GPR89B: variants seen among roughly 807,000 people sequenced by gnomAD.
GPR89B encodes the protein G protein-coupled receptor 89B.
In GPR89B, 25 loss-of-function variants were observed where a neutral mutation model predicts 52.4. The ratio of observed to expected loss-of-function variants is 0.48; its 90% confidence interval spans 0.35 to 0.67. The LOEUF (loss-of-function observed/expected upper bound fraction) is 0.67, where lower values mean the gene tolerates loss of function less well. Ranked by LOEUF, GPR89B falls within the 30% of genes least tolerant of loss-of-function variation. The pLI, the probability that GPR89B is intolerant of heterozygous loss-of-function variation, is 0.01. For missense variants in GPR89B, 146 were observed against 450.2 expected (o/e 0.32, Z 6.11); for synonymous variants, 52 against 151.2 (o/e 0.34, Z 4.81).
At chr1:147,975,964 T>G (rs1395670353) in intron 10 of GPR89B, among the ~76,000 whole-genome samples, 21 of 152,212 alleles carry the variant, frequency 1.4e-4, no homozygotes, top group Non-Finnish European at 2.1e-4. Context: ...AGTTGTGTAG[T>G]TTTGAGTTAG....
intron 7 of GPR89B, among the ~76,000 whole-genome samples, chr1:147,960,348 A>G (rs1656441538): frequency 5.3e-5 from 8 of 151,134 alleles, no homozygotes; most frequent in Admixed American, 4.6e-4. Flanking sequence ...CAGATTACAC[A>G]TTTAACAAAG....
At chr1:147,936,423 T>G (rs1227162193) in intron 1 of GPR89B, among the ~76,000 whole-genome samples, 1 of 152,248 alleles carries the variant, frequency 6.6e-6, no homozygotes, top group Admixed American at 6.5e-5. Context: ...GTAACATGGA[T>G]AACTTCAAAA....
chr1:147,997,304 GTC>G (rs1659338782), downstream of GPR89B, among the ~76,000 whole-genome samples: 1 of 152,198 alleles, frequency 6.6e-6, no homozygotes, highest in African/African-American at 2.4e-5. Context: ...TTTGGTGTGT[GTC>G]TGTGAAGGTG....
In GPR89B at chr1:147,963,505, A is replaced by T. The variant is rs1322395449; in HGVS notation, c.618-3049A>T. 2.8e-4 allele frequency among the ~76,000 whole-genome samples: 43 copies of T among 151,854 alleles called. 1 individual carries two copies. The South Asian group carries it at 8.1e-3, about 29-fold the overall frequency. On this transcript the variant is annotated intron_variant, in intron 7 of 13. Coordinates refer to ENST00000314163, the MANE Select transcript of GPR89B (RefSeq NM_016334.5). The stretch of plus-strand genomic sequence containing the variant: ...TAAAAAACATTCAAAGCTTACATTT[A>T]AAAAAAATGCAGTTAGAAAATAAGC...
At chr1:148,017,497 G>C in the GPR89B span, among the ~76,000 whole-genome samples, 3 of 150,640 alleles carry the variant, frequency 2.0e-5, no homozygotes, top group East Asian at 6.0e-4. Context: ...CACTTTGGGA[G>C]GCCGAGGTGG....
chr1:148,007,021 T>A, the GPR89B span, among the ~76,000 whole-genome samples: 1 of 151,794 alleles, frequency 6.6e-6, no homozygotes, highest in Non-Finnish European at 1.5e-5. Flanking sequence ...CCAGCCACTT[T>A]ACAGCTTCTC....
At chr1:147,972,070 A>G (rs1657515022) in intron 10 of GPR89B, among the ~76,000 whole-genome samples, 1 of 151,580 alleles carries the variant, frequency 6.6e-6, no homozygotes. Flanking sequence ...GTAGAATCCT[A>G]CAGTATGTAT....
Position 147,938,962 on chromosome 1 carries a change from A to G in GPR89B, c.206+145A>G, listed in dbSNP as rs1294911964. ...AGTAACTGCAATGATCACAACAGAT[A>G]TGGGTCACAGCCACCTAATAGCTGG... On this transcript the variant is annotated intron_variant, in intron 3 of 13. Transcript: ENST00000314163. 2.0e-5 allele frequency: 13 copies of G among 657,512 alleles called. No individual in the cohort carries two copies. In the East Asian group the frequency reaches 2.3e-4, roughly 12 times the overall value. 40.7% of individuals were successfully genotyped at this position (657,512 alleles called of 1,614,324 possible).
At position 147,982,051 on chromosome 1, in the gene GPR89B, T is replaced by TTTTA. The variant is rs1311473007; in HGVS notation, c.910-4127_910-4124dup. ...CATATGCTAAGTATATGTTTAACCT[T>TTTTA]TTTATTTATTTATTTATTTATTTAC... On this transcript the variant is annotated intron_variant, in intron 10 of 13. Transcript: ENST00000314163. Among the ~76,000 whole-genome samples the TTTTA allele has an allele frequency of 4.0e-4, 60 of 151,626 alleles. 1 individual carries two copies. Among genetic ancestry groups the TTTTA allele is most frequent in the Middle Eastern group, 3.4e-3 (1 of 294 alleles).
chr1:148,021,356 C>G, the GPR89B span, among the ~76,000 whole-genome samples: 16,092 of 151,692 alleles, frequency 0.11, 1,245 homozygotes, highest in African/African-American at 0.2. Context: ...CAAAAAATTA[C>G]CCGGGGGTGG....
chr1:148,025,134 A>C, the GPR89B span, among the ~76,000 whole-genome samples: 4 of 151,856 alleles, frequency 2.6e-5, no homozygotes, highest in Admixed American at 2.0e-4. Flanking sequence ...GAAATTGCAC[A>C]ATTTTAATCC....
chr1:147,986,313 T>C lies in GPR89B; in HGVS notation c.1005+19T>C. The C allele has an allele frequency of 6.2e-7, 1 of 1,610,786 alleles. No homozygotes were observed. The highest frequency in any genetic ancestry group is 8.5e-7 in the Non-Finnish European group (1 of 1,179,018). On this transcript the variant is annotated intron_variant, in intron 11 of 13. Transcript: ENST00000314163. ...ATTTGATGTAAGTGTTATATCAAGA[T>C]CCTGGTTTGTCATGTTTCTGTTTTA... is the stretch of plus-strand genomic sequence containing the variant.
chr1:148,002,683 T>A, the GPR89B span, among the ~76,000 whole-genome samples: 1 of 152,176 alleles, frequency 6.6e-6, no homozygotes, highest in Non-Finnish European at 1.5e-5. Context: ...CTCCCCATTG[T>A]CTGATAAGCC....
intron 1 of GPR89B, among the ~76,000 whole-genome samples, chr1:147,929,853 G>T (rs147072530): frequency 0.037 from 5,572 of 152,050 alleles, 132 homozygotes; most frequent in African/African-American, 0.057. Flanking sequence ...TTTATTGGCT[G>T]CATAGTATTC....
At chr1:147,937,401 C>T (rs1467768353) in intron 2 of GPR89B, among the ~76,000 whole-genome samples, 2 of 152,126 alleles carry the variant, frequency 1.3e-5, no homozygotes, top group Admixed American at 6.5e-5. Flanking sequence ...TCTTTATAAA[C>T]ATTTTAACAG....
chr1:147,946,189 C>T (rs1553249740), intron 5 of GPR89B, among the ~76,000 whole-genome samples: 1 of 151,920 alleles, frequency 6.6e-6, no homozygotes, highest in African/African-American at 2.4e-5. Context: ...CTCAAGGTAT[C>T]TATATCATCT....
intron 10 of GPR89B, among the ~76,000 whole-genome samples, chr1:147,985,026 T>C (rs1658563506): frequency 6.6e-6 from 1 of 152,198 alleles, no homozygotes; most frequent in Non-Finnish European, 1.5e-5. Flanking sequence ...GATAGTATTA[T>C]TAGAGTTTCT....
chr1:147,930,029 TAAG>T (rs1274132793), intron 1 of GPR89B, among the ~76,000 whole-genome samples: 39 of 152,040 alleles, frequency 2.6e-4, no homozygotes, highest in African/African-American at 6.5e-4. Flanking sequence ...AGAATAAAGA[TAAG>T]AATGTCAGTA....
the GPR89B span, among the ~76,000 whole-genome samples, chr1:148,013,560 G>A: frequency 1.3e-5 from 2 of 152,070 alleles, no homozygotes; most frequent in Admixed American, 6.5e-5. Flanking sequence ...ATGGGTAAGA[G>A]TGGGCCCTGC....
Sources: gnomAD v4.1 joint callset for allele counts (sites outside exome capture counted in the v4.1 genomes callset) on GRCh38, gnomAD v4.1.1 for gene constraint, MANE v1.5 for transcripts, NCBI Gene and HGNC (gene_info 2026-07-23, HGNC 2026-07-21) for gene names.